Variants in GLIS3 observed in about 807,000 individuals in gnomAD.
GLIS3 encodes the protein zinc finger protein GLIS3.
Under a neutral mutation model 78.6 loss-of-function variants are expected in GLIS3, and 53 were observed. The observed-to-expected ratio is 0.67, with a 90% CI of 0.54 to 0.85. GLIS3 has a LOEUF of 0.85. GLIS3 is among the 40% of genes least tolerant of loss of function. The pLI is 0.00. For missense variants in GLIS3, 1,703 were observed against 1,231.1 expected, an observed-to-expected ratio of 1.38 and a Z score of -5.74; for synonymous variants, 684 against 509.9, an observed-to-expected ratio of 1.34 and a Z score of -4.60.
At chr9:4,328,444 C>T (rs1817633863) in intron 2 of GLIS3, among the ~76,000 whole-genome samples, 1 of 152,192 alleles carries the variant, frequency 6.6e-6, no homozygotes, top group African/African-American at 2.4e-5. Context: ...ATGCTCAACA[C>T]CCCATTCTGC....
intron 4 of GLIS3, among the ~76,000 whole-genome samples, chr9:4,059,872 G>A (rs1261375924): frequency 2.0e-5 from 3 of 150,922 alleles, no homozygotes; most frequent in Non-Finnish European, 4.4e-5. Flanking sequence ...GAGAGAAAGA[G>A]AGAGACTGGC....
intron 4 of GLIS3, among the ~76,000 whole-genome samples, chr9:4,113,410 T>C (rs906359443): frequency 6.6e-6 from 1 of 152,200 alleles, no homozygotes; most frequent in Non-Finnish European, 1.5e-5. Context: ...TATTACCACA[T>C]TGATCTCCAA....
At chr9:4,038,760 T>C (rs190125001) in intron 4 of GLIS3, among the ~76,000 whole-genome samples, 11 of 152,334 alleles carry the variant, frequency 7.2e-5, no homozygotes, top group Admixed American at 3.9e-4. Context: ...AGTTTACATC[T>C]GTACAGCTTC....
chr9:3,846,104 G>T (rs1819023962), intron 9 of GLIS3, among the ~76,000 whole-genome samples: 2 of 152,236 alleles, frequency 1.3e-5, no homozygotes, highest in South Asian at 4.1e-4. Flanking sequence ...AAGACATGCA[G>T]TCAAGCAGTT....
intron 4 of GLIS3, among the ~76,000 whole-genome samples, chr9:3,968,973 G>C (rs1818166836): frequency 6.6e-6 from 1 of 152,210 alleles, no homozygotes; most frequent in South Asian, 2.1e-4. Context: ...CTTTGCAAAA[G>C]TGTGTTAGGC....
chr9:3,891,066 C>CA (rs58449134), intron 7 of GLIS3, among the ~76,000 whole-genome samples: 97,705 of 126,800 alleles, frequency 0.77, 36,807 homozygotes, highest in Middle Eastern at 0.84. Flanking sequence ...CTTCCTTCCT[C>CA]AAAAAAAAAA....
At chr9:3,953,780 T>TA (rs1816867575) in intron 4 of GLIS3, among the ~76,000 whole-genome samples, 6 of 39,060 alleles carry the variant, frequency 1.5e-4, no homozygotes, top group African/African-American at 6.0e-4. Flanking sequence ...TCTCTCTCTC[T>TA]CTCTCTCTCT....
At chr9:4,074,522 C>G (rs1189977606) in intron 4 of GLIS3, among the ~76,000 whole-genome samples, 1 of 152,114 alleles carries the variant, frequency 6.6e-6, no homozygotes, top group Non-Finnish European at 1.5e-5. Flanking sequence ...AAGCTGGTTT[C>G]CTCCCTCATC....
intron 2 of GLIS3, among the ~76,000 whole-genome samples, chr9:4,154,545 A>G (rs1834910977): frequency 6.6e-6 from 1 of 152,208 alleles, no homozygotes. Context: ...AAAGACCAGG[A>G]AACATATTAA....
the GLIS3 span, among the ~76,000 whole-genome samples, chr9:4,453,345 CAAAAAAAAAAAAAAA>C: frequency 1.1e-5 from 1 of 91,648 alleles, no homozygotes; most frequent in Admixed American, 1.3e-4. Context: ...TTCTGCACAG[CAAAAAAAAAAAAAAA>C]AAAAGAAAAA....
chr9:4,454,460 C>G, the GLIS3 span, among the ~76,000 whole-genome samples: 6 of 152,170 alleles, frequency 3.9e-5, no homozygotes, highest in Non-Finnish European at 8.8e-5. Flanking sequence ...TTATATATGT[C>G]TTATCTAAAG....
At chr9:3,831,994 AAT>A (rs1818072025) in intron 9 of GLIS3, among the ~76,000 whole-genome samples, 1 of 151,800 alleles carries the variant, frequency 6.6e-6, no homozygotes, top group South Asian at 2.1e-4. Flanking sequence ...AAATTTTAGC[AAT>A]AGTGAAGAGC....
chr9:4,448,506 C>T, the GLIS3 span, among the ~76,000 whole-genome samples: 2 of 152,218 alleles, frequency 1.3e-5, no homozygotes, highest in African/African-American at 4.8e-5. Flanking sequence ...GATCTCCCCA[C>T]TTCAGCCTCA....
At chr9:4,431,283 T>C in the GLIS3 span, among the ~76,000 whole-genome samples, 5 of 152,218 alleles carry the variant, frequency 3.3e-5, no homozygotes, top group Non-Finnish European at 5.9e-5. Flanking sequence ...AAAGAGGAAT[T>C]GTTTGGTTGC....
At chr9:4,292,915 C>G (rs1202427306) in intron 1 of GLIS3, among the ~76,000 whole-genome samples, 1 of 152,198 alleles carries the variant, frequency 6.6e-6, no homozygotes, top group Non-Finnish European at 1.5e-5. Flanking sequence ...AAAATGAACA[C>G]ATTCCTGATG....
At position 4,121,374 on chromosome 9, in the gene GLIS3, G is replaced by T. The variant is rs2130894581; in HGVS notation, c.597-2493C>A. Among the ~76,000 whole-genome samples the T allele has an allele frequency of 2.0e-5, 3 of 152,196 alleles. 1 individual carries two copies. Among genetic ancestry groups the T allele is most frequent in the South Asian group, 4.2e-4 (2 of 4,808 alleles). On this transcript the variant is annotated intron_variant, in intron 3 of 10. Coordinates refer to ENST00000381971, the MANE Select transcript of GLIS3 (RefSeq NM_001042413.2). ...AATTTCAAAGTCTTTTAACAGAAGGGATCATTTTTATCTTCCCAGTGCCTG... is the reference window on the plus strand; with the variant it reads ...AATTTCAAAGTCTTTTAACAGAAGGTATCATTTTTATCTTCCCAGTGCCTG...
chr9:4,014,231 G>C (rs781756344), intron 4 of GLIS3, among the ~76,000 whole-genome samples: 30 of 152,222 alleles, frequency 2.0e-4, no homozygotes, highest in Non-Finnish European at 4.1e-4. Flanking sequence ...TTGAATATGG[G>C]AGAAAAGAAC....
intron 2 of GLIS3, among the ~76,000 whole-genome samples, chr9:4,171,016 C>G (rs7868798): frequency 3.6e-4 from 54 of 152,104 alleles, no homozygotes; most frequent in African/African-American, 1.2e-3. Context: ...GGGAATCATA[C>G]GAGAACAATC....
chr9:4,394,821 T>C, the GLIS3 span, among the ~76,000 whole-genome samples: 1,906 of 152,302 alleles, frequency 0.013, 28 homozygotes, highest in African/African-American at 0.042. Context: ...CCCTGTATTA[T>C]AGCAATAACA....
Sources: gnomAD v4.1 joint callset for allele counts (sites outside exome capture counted in the v4.1 genomes callset) on GRCh38, gnomAD v4.1.1 for gene constraint, MANE v1.5 for transcripts, NCBI Gene and HGNC (gene_info 2026-07-23, HGNC 2026-07-21) for gene names.